The following POMT2 variants were observed in gnomAD, a reference collection of about 807,000 sequenced individuals.
POMT2 encodes the protein protein O-mannosyltransferase 2.
A neutral mutation model predicts 100.0 loss-of-function variants in POMT2; 75 were observed. The observed-to-expected ratio is 0.75, with a 90% CI of 0.62 to 0.91. The LOEUF (loss-of-function observed/expected upper bound fraction) is 0.91, where lower values mean the gene tolerates loss of function less well. POMT2 is among the 40% of genes least tolerant of loss of function. The pLI is 0.00. For missense variants in POMT2, 940 were observed against 955.1 expected (o/e 0.98, Z 0.21); for synonymous variants, 378 against 374.1 (o/e 1.01, Z -0.12).
Position 77,278,524 on chromosome 14 carries a change from G to A in POMT2, c.2033-16C>T, listed in dbSNP as rs1004073852. 1.8e-5 allele frequency: 27 copies of A among 1,459,526 alleles called. 1 individual carries two copies. The Admixed American group carries it at 3.5e-4, about 19-fold the overall frequency. 90.4% of individuals were successfully genotyped at this position (1,459,526 alleles called of 1,614,324 possible). ...CACAGAATGCCTAGAGGAGAGGAGA[G>A]AAACCTGGAGTCAGCCAGGCAGGGG... is the stretch of plus-strand genomic sequence containing the variant. On this transcript the variant is annotated splice_polypyrimidine_tract_variant and intron_variant, in intron 19 of 20. Coordinates refer to ENST00000261534, the MANE Select transcript of POMT2 (RefSeq NM_013382.7).
At chr14:77,314,623 G>A (rs1891563911) in intron 1 of POMT2, among the ~76,000 whole-genome samples, 1 of 152,178 alleles carries the variant, frequency 6.6e-6, no homozygotes, top group South Asian at 2.1e-4. Flanking sequence ...CACTATTAGA[G>A]AGGCTGATGG....
rs751776398 is a variant in POMT2 at position 77,278,748 on chromosome 14, G to A, written c.2013C>T (p.Leu671=). The A allele has an allele frequency of 1.1e-5, 18 of 1,613,846 alleles. No individual in the cohort carries two copies. The African/African-American group carries it at 1.9e-4, about 17-fold the overall frequency. Residue 671 remains leucine (L), a synonymous_variant, in exon 19 of 21, where the codon CTC becomes CTT. Transcript: ENST00000261534. ...LYFHHYFPAM[L]FSSMLTGILW... ...ACTGACCTGTCAACATGCTTGAGAA[G>A]AGCATGGCTGGGAAGTAGTGGTGGA...
intron 1 of POMT2, among the ~76,000 whole-genome samples, chr14:77,318,225 T>G (rs1305686256): frequency 6.6e-6 from 1 of 152,138 alleles, no homozygotes; most frequent in Admixed American, 6.5e-5. Flanking sequence ...ATTCACATGG[T>G]CCATCTAGGT....
chr14:77,279,487 G>T (rs1418346445), intron 18 of POMT2: 1 of 500,462 alleles, frequency 2.0e-6, no homozygotes, highest in Non-Finnish European at 3.9e-6. Flanking sequence ...CTAAAAGTGA[G>T]GGCTGTGGAG....
rs886050819 is a variant in POMT2 at position 77,276,754 on chromosome 14, G to C, written c.*622C>G. 39 of 152,964 alleles carry C rather than the reference G, an allele frequency of 2.5e-4. No individual in the cohort carries two copies. The East Asian group carries it at 2.9e-3, about 11-fold the overall frequency. 9.5% of individuals were successfully genotyped at this position (152,964 alleles called of 1,614,324 possible). A position where few individuals can be genotyped will look rare whatever the true frequency, so the allele number is the denominator to read the frequency against. On this transcript the variant is annotated 3_prime_UTR_variant, in exon 21 of 21. Transcript: ENST00000261534. Reference sequence around the variant, plus strand: ...GCAGCCACTGGGGGGCATGGTGGGAGCCAGGCCCTCCAGCTCGGGGCGGCG... The same window carrying C: ...GCAGCCACTGGGGGGCATGGTGGGACCCAGGCCCTCCAGCTCGGGGCGGCG...
Position 77,285,587 on chromosome 14 carries a change from T to G in POMT2, c.1378A>C (p.Asn460His). Residue 460 changes from asparagine (N) to histidine (H), a missense_variant, in exon 13 of 21, where the codon AAC becomes CAC. Coordinates refer to ENST00000261534, the MANE Select transcript of POMT2 (RefSeq NM_013382.7). ...SNDFWRIEVVNRKFGNRIKVL... is the reference protein window; with the variant it reads ...SNDFWRIEVVHRKFGNRIKVL... ...TTGATCCGGTTTCCAAATTTCCTGT[T>G]TACGACCTCAATCCGCCAGAAATCA... 1 of 1,613,698 alleles carries G rather than the reference T, an allele frequency of 6.2e-7. No individual in the cohort carries two copies. Among genetic ancestry groups the G allele is most frequent in the Non-Finnish European group, 8.5e-7 (1 of 1,179,598 alleles).
intron 5 of POMT2, 79 bp downstream of exon 5, chr14:77,302,756 G>T: frequency 2.5e-6 from 3 of 1,201,590 alleles, no homozygotes; most frequent in Non-Finnish European, 1.2e-6. Flanking sequence ...CTGGGCACCC[G>T]CCCTGGCCCT....
chr14:77,278,964 T>G, intron 18 of POMT2, 95 bp from the exon 19 acceptor site: 2 of 1,450,888 alleles, frequency 1.4e-6, no homozygotes, highest in Non-Finnish European at 1.9e-6. Context: ...TGTGTGACCT[T>G]GAATATGTCA....
In POMT2 at chr14:77,306,368, T is replaced by C; in HGVS notation, c.407A>G (p.Tyr136Cys). 1.2e-6 allele frequency: 2 copies of C among 1,613,162 alleles called. No homozygotes were observed. Among genetic ancestry groups the C allele is most frequent in the Non-Finnish European group, 1.7e-6 (2 of 1,179,162 alleles). ...TFLFQKPGDK[Y>C]EHHSYMGMRG... ...CATTCCCATGTAGCTGTGATGCTCA[T>C]ATTTATCCCCAGGCTTCTGGAACAA... is the stretch of plus-strand genomic sequence containing the variant. Residue 136 changes from tyrosine to cysteine, a missense_variant, in exon 3 of 21, where the codon TAT becomes TGT. Physicochemically the swap from Tyr to Cys is radical, Grantham distance 194 (BLOSUM62 -2). Transcript: ENST00000261534.
At chr14:77,292,878 G>A (rs1426724701) in intron 9 of POMT2, among the ~76,000 whole-genome samples, 1 of 152,176 alleles carries the variant, frequency 6.6e-6, no homozygotes, top group African/African-American at 2.4e-5. Flanking sequence ...TAGGTGTGTG[G>A]TAGGCTGGAC....
At chr14:77,312,135 CAATT>C (rs1487804542) in intron 1 of POMT2, 102 bp from the exon 2 acceptor site, 32 of 1,487,090 alleles carry the variant, frequency 2.2e-5, no homozygotes, top group South Asian at 2.6e-5. Context: ...GCATTTCAAA[CAATT>C]AATGCAAAAG....
chr14:77,315,988 G>A (rs1229758136), intron 1 of POMT2, among the ~76,000 whole-genome samples: 2 of 152,228 alleles, frequency 1.3e-5, no homozygotes, highest in African/African-American at 2.4e-5. Flanking sequence ...TCCAGCCTGG[G>A]CGACAGAGCG....
chr14:77,320,369 C>G, intron 1 of POMT2, 65 bp downstream of exon 1: 2 of 1,540,940 alleles, frequency 1.3e-6, no homozygotes, highest in South Asian at 1.2e-5. Context: ...TACCCTCGGG[C>G]CAATCAGAGG....
At chr14:77,314,795 G>A (rs975930127) in intron 1 of POMT2, among the ~76,000 whole-genome samples, 5 of 152,212 alleles carry the variant, frequency 3.3e-5, no homozygotes, top group African/African-American at 4.8e-5. Flanking sequence ...AGTCTCCAAC[G>A]GTGCGGCAAT....
chr14:77,301,044 C>T lies in POMT2; in HGVS notation c.816+46G>A, dbSNP rs750586189. On this transcript the variant is annotated intron_variant, in intron 6 of 20. Coordinates refer to ENST00000261534, the MANE Select transcript of POMT2 (RefSeq NM_013382.7). ...AAGGCCACCAGCTCCTACTCAGCAA[C>T]ATCAGGGAGCAAAAACATTTCCACA... The T allele has an allele frequency of 1.7e-5, 28 of 1,612,634 alleles. 1 individual carries two copies. The highest frequency in any genetic ancestry group is 1.7e-4 in the South Asian group (15 of 90,900).
At chr14:77,290,431 C>G (rs920909240) in intron 10 of POMT2, among the ~76,000 whole-genome samples, 1 of 152,192 alleles carries the variant, frequency 6.6e-6, no homozygotes, top group African/African-American at 2.4e-5. Context: ...ACGTTTCTAG[C>G]CTACACAGCA....
intron 1 of POMT2, chr14:77,319,675 C>T (rs774285513): frequency 6.6e-6 from 1 of 152,330 alleles, no homozygotes; most frequent in Non-Finnish European, 1.5e-5. Context: ...TCCATTTAAA[C>T]CCATAGCGTC....
At chr14:77,311,810 C>G (rs1423517127) in intron 2 of POMT2, 139 bp downstream of exon 2, 6 of 1,368,924 alleles carry the variant, frequency 4.4e-6, no homozygotes, top group Non-Finnish European at 2.9e-6. Context: ...ATGAAAGTAG[C>G]TGGTCTGAAA....
Position 77,280,044 on chromosome 14 carries a change from G to A in POMT2, c.1762C>T (p.Arg588Ter), listed in dbSNP as rs766169193. Reference protein sequence around the residue: ...RFSGVNDTDFRVYLLGNPVVW... With the variant: ...RFSGVNDTDF ...ACCGGGTTGCCAAGCAGATAGACTC[G>A]GAAATCTGTGTCATTGACCCCTGAG... is the stretch of plus-strand genomic sequence containing the variant. Residue 588 changes from arginine to a stop codon, truncating the protein, a stop_gained, in exon 17 of 21, where the codon CGA becomes TGA. Transcript: ENST00000261534. LOFTEE classifies it high-confidence loss of function. 1.4e-5 allele frequency: 22 copies of A among 1,613,818 alleles called. No homozygotes were observed. The highest frequency in any genetic ancestry group is 4.5e-5 in the East Asian group (2 of 44,898).
Sources: allele counts gnomAD v4.1 joint callset (sites outside exome capture counted in the v4.1 genomes callset), GRCh38; gene constraint gnomAD v4.1.1; transcripts MANE v1.5; gene names NCBI Gene and HGNC (gene_info 2026-07-23, HGNC 2026-07-21).